PARVB: variants seen among roughly 807,000 people sequenced by gnomAD.
PARVB encodes parvin beta.
In PARVB, 46 loss-of-function variants were observed where a neutral mutation model predicts 47.0. The observed-to-expected ratio is 0.98, with a 90% CI of 0.77 to 1.25. The LOEUF (loss-of-function observed/expected upper bound fraction) is 1.25. PARVB is among the 50% of genes most tolerant of loss of function. PARVB has a pLI of 0.00. For missense variants in PARVB, 473 were observed against 471.6 expected, an observed-to-expected ratio of 1.00 and a Z score of -0.03; for synonymous variants, 196 against 196.3, an observed-to-expected ratio of 1.00 and a Z score of 0.01.
chr22:44,160,145 G>A (rs1207389702), intron 11 of PARVB, among the ~76,000 whole-genome samples: 1 of 152,206 alleles, frequency 6.6e-6, no homozygotes, highest in African/African-American at 2.4e-5. Context: ...GCCTTACCCT[G>A]CACTGGCCAC....
chr22:44,100,078 T>G lies in PARVB; in HGVS notation c.228T>G (p.Ile76Met). 6.2e-7 allele frequency: 1 copy of G among 1,614,154 alleles called. No individual in the cohort carries two copies. The highest frequency in any genetic ancestry group is 1.1e-5 in the South Asian group (1 of 91,090). Residue 76 changes from isoleucine (I) to methionine (M), a missense_variant, in exon 3 of 13, where the codon ATT (isoleucine) becomes ATG (methionine). Coordinates refer to ENST00000338758, the MANE Select transcript of PARVB (RefSeq NM_013327.5). ...QLEENEERTM[I>M]DPTSKEDPKF... ...AGGAGAACGAGGAGCGCACGATGAT[T>G]GACCCCACTTCCAAGGAAGACCCCA...
At chr22:44,011,825 C>A (rs954836298) in intron 2 of PARVB, among the ~76,000 whole-genome samples, 2 of 152,068 alleles carry the variant, frequency 1.3e-5, no homozygotes, top group African/African-American at 4.8e-5. Flanking sequence ...TTCAGTTCTC[C>A]CCTACCCCCG....
chr22:44,087,440 C>A (rs2052049711), intron 1 of PARVB, among the ~76,000 whole-genome samples: 2 of 152,214 alleles, frequency 1.3e-5, no homozygotes, highest in Non-Finnish European at 2.9e-5. Flanking sequence ...GGCAAGCCCC[C>A]AGTGAGGCTC....
At chr22:44,015,375 A>G (rs1405582940) in intron 2 of PARVB, among the ~76,000 whole-genome samples, 1 of 152,180 alleles carries the variant, frequency 6.6e-6, no homozygotes, top group Non-Finnish European at 1.5e-5. Flanking sequence ...ACATGGGTGA[A>G]TGCAGACAGC....
At chr22:44,019,178 A>G (rs2050617677) in intron 2 of PARVB, among the ~76,000 whole-genome samples, 1 of 151,388 alleles carries the variant, frequency 6.6e-6, no homozygotes, top group South Asian at 2.1e-4. Context: ...CGGCCTCCCA[A>G]AGTGCTGGGA....
chr22:44,103,399 T>C lies in PARVB; in HGVS notation c.273+3276T>C, dbSNP rs572432746. The C allele has an allele frequency of 6.6e-6, 1 of 152,334 alleles. No individual in the cohort carries two copies. The allele number at this position is 152,334 out of a possible 1,614,324, so 9.4% of individuals were successfully genotyped here. On this transcript the variant is annotated intron_variant, in intron 3 of 12. Transcript: ENST00000338758. The surrounding 1 kb of genome is among the most constrained non-coding windows in gnomAD (Gnocchi z 4.6). Reference sequence around the variant, plus strand: ...TTCTTCTGAAGCCATAGCCAGCTCATGCACCTGCCTCACCTCCCTTCCCCT... The same window carrying C: ...TTCTTCTGAAGCCATAGCCAGCTCACGCACCTGCCTCACCTCCCTTCCCCT...
chr22:44,065,657 AT>A (rs1361084087), intron 1 of PARVB, among the ~76,000 whole-genome samples: 1 of 152,074 alleles, frequency 6.6e-6, no homozygotes, highest in African/African-American at 2.4e-5. Flanking sequence ...CCCAAAGTCC[AT>A]TGTATCATTC....
At chr22:44,034,666 A>C (rs1290257538) in intron 1 of PARVB, among the ~76,000 whole-genome samples, 1 of 117,900 alleles carries the variant, frequency 8.5e-6, no homozygotes, top group Non-Finnish European at 2.0e-5. Flanking sequence ...ACAGGGGGAA[A>C]GAGGCACTGA....
intron 1 of PARVB, among the ~76,000 whole-genome samples, chr22:44,071,084 A>T (rs1227047433): frequency 6.6e-6 from 1 of 152,160 alleles, no homozygotes; most frequent in Admixed American, 6.5e-5. Context: ...CCCAGAGAGC[A>T]TCCTGGGGCC....
intron 3 of PARVB, chr22:44,106,685 C>T (rs1374899529): frequency 1.3e-5 from 2 of 152,064 alleles, no homozygotes; most frequent in Admixed American, 6.6e-5. Flanking sequence ...CTGTCATCTG[C>T]ACTTTTTTCC....
rs560373844 is a variant in PARVB at position 44,156,467 on chromosome 22, C to T, written c.844-1515C>T. 5.9e-5 allele frequency among the ~76,000 whole-genome samples: 9 copies of T among 152,070 alleles called. No homozygotes were observed. The East Asian group carries it at 1.2e-3, about 20-fold the overall frequency. On this transcript the variant is annotated intron_variant, in intron 10 of 12. Coordinates refer to ENST00000338758, the MANE Select transcript of PARVB (RefSeq NM_013327.5). ...CTAATTTTTGTATTTTTACTAGAGA[C>T]GGGGTTTCACCCTGTTGGTCAGGCT...
At chr22:44,039,498 G>A (rs377202917) in intron 1 of PARVB, among the ~76,000 whole-genome samples, 72 of 151,332 alleles carry the variant, frequency 4.8e-4, no homozygotes, top group South Asian at 1.7e-3. Flanking sequence ...AGTCAATATC[G>A]TGCCACTGCA....
chr22:44,017,249 T>G (rs902866275), intron 2 of PARVB, among the ~76,000 whole-genome samples: 1 of 152,134 alleles, frequency 6.6e-6, no homozygotes, highest in Non-Finnish European at 1.5e-5. Context: ...AAATAAGAAA[T>G]AAATCATCTT....
At chr22:44,038,767 G>A (rs957200820) in intron 1 of PARVB, among the ~76,000 whole-genome samples, 1 of 152,130 alleles carries the variant, frequency 6.6e-6, no homozygotes, top group Admixed American at 6.5e-5. Context: ...GGGCGACAGA[G>A]TGAGACTCCA....
chr22:44,078,970 AC>A (rs1413781344), intron 1 of PARVB, among the ~76,000 whole-genome samples: 1 of 152,058 alleles, frequency 6.6e-6, no homozygotes, highest in Admixed American at 6.6e-5. Context: ...AAGGTGATCC[AC>A]CCGCCTCGGC....
At chr22:44,027,425 G>C (rs534128646) in intron 1 of PARVB, among the ~76,000 whole-genome samples, 1 of 152,326 alleles carries the variant, frequency 6.6e-6, no homozygotes, top group East Asian at 1.9e-4. Context: ...TTTGCCACAA[G>C]AGGCCTGTTC....
At chr22:44,094,536 C>G (rs534892457) in intron 2 of PARVB, among the ~76,000 whole-genome samples, 3 of 152,212 alleles carry the variant, frequency 2.0e-5, no homozygotes, top group African/African-American at 7.2e-5. Context: ...GTTACCCAAG[C>G]TGGGGTGCGG....
chr22:44,100,279 A>G (rs1341399701), intron 3 of PARVB, among the ~76,000 whole-genome samples, 156 bp downstream of exon 3: 1 of 152,042 alleles, frequency 6.6e-6, no homozygotes, highest in Non-Finnish European at 1.5e-5. Context: ...GCAGAGGAGG[A>G]CGGCAGAGAG....
chr22:44,003,979 A>T (rs1460136932), intron 2 of PARVB, among the ~76,000 whole-genome samples: 1 of 152,022 alleles, frequency 6.6e-6, no homozygotes, highest in Non-Finnish European at 1.5e-5. Flanking sequence ...TTCTCCAGGG[A>T]GCCCCTAGTT....
Sources: allele counts gnomAD v4.1 joint callset (sites outside exome capture counted in the v4.1 genomes callset), GRCh38; gene constraint gnomAD v4.1.1; non-coding constraint Gnocchi (gnomAD v3.1); transcripts MANE v1.5; gene names NCBI Gene and HGNC (gene_info 2026-07-23, HGNC 2026-07-21).